The following CIB4 variants were observed in gnomAD, a reference collection of about 807,000 sequenced individuals.
CIB4 encodes calcium and integrin binding family member 4.
In CIB4, 25 loss-of-function variants were observed where a neutral mutation model predicts 25.8. The ratio of observed to expected loss-of-function variants is 0.97; its 90% CI spans 0.71 to 1.35. CIB4 has a LOEUF of 1.35. CIB4 is among the 40% of genes most tolerant of loss of function. CIB4 has a pLI of 0.00. For missense variants in CIB4, 235 were observed against 228.2 expected (o/e 1.03, Z -0.19); for synonymous variants, 75 against 81.4 (o/e 0.92, Z 0.42).
intron 3 of CIB4, among the ~76,000 whole-genome samples, chr2:26,605,169 T>C (rs1668863858): frequency 6.6e-6 from 1 of 152,182 alleles, no homozygotes; most frequent in Non-Finnish European, 1.5e-5. Flanking sequence ...TAATTAGAAA[T>C]TATTTTGAAC....
chr2:26,598,798 G>A (rs899982343), intron 3 of CIB4, among the ~76,000 whole-genome samples: 6 of 152,158 alleles, frequency 3.9e-5, no homozygotes, highest in African/African-American at 9.7e-5. Context: ...CAGTCAAAGG[G>A]GCACCGATAG....
intron 2 of CIB4, among the ~76,000 whole-genome samples, chr2:26,635,104 T>A (rs577740274): frequency 1.3e-5 from 2 of 152,338 alleles, no homozygotes; most frequent in African/African-American, 4.8e-5. Flanking sequence ...GGACAACCAA[T>A]TCAAACAGAG....
At chr2:26,632,145 T>A (rs1272358104) in intron 2 of CIB4, among the ~76,000 whole-genome samples, 1 of 152,218 alleles carries the variant, frequency 6.6e-6, no homozygotes, top group Non-Finnish European at 1.5e-5. Context: ...CCCAGGTTCA[T>A]ATCCTGACTC....
chr2:26,615,429 C>T (rs900732606), intron 3 of CIB4, among the ~76,000 whole-genome samples: 2 of 152,340 alleles, frequency 1.3e-5, no homozygotes, highest in East Asian at 1.9e-4. Context: ...GCCATCCCTA[C>T]AGGCTCCCTT....
intron 2 of CIB4, among the ~76,000 whole-genome samples, chr2:26,630,074 C>T (rs1042358249): frequency 6.6e-6 from 1 of 152,224 alleles, no homozygotes; most frequent in Non-Finnish European, 1.5e-5. Flanking sequence ...CGTGGACTGA[C>T]TGGTCTTCCT....
At chr2:26,623,864 C>T (rs1387631660) in intron 3 of CIB4, among the ~76,000 whole-genome samples, 1 of 152,208 alleles carries the variant, frequency 6.6e-6, no homozygotes, top group Non-Finnish European at 1.5e-5. Flanking sequence ...GGCTCGGAAA[C>T]TAGAAACCCA....
intron 3 of CIB4, among the ~76,000 whole-genome samples, chr2:26,605,144 C>T (rs1668863539): frequency 6.6e-6 from 1 of 151,710 alleles, no homozygotes; most frequent in Non-Finnish European, 1.5e-5. Context: ...CCCTCAAAGT[C>T]AAAGAAATCA....
At chr2:26,591,848 G>C (rs1668592365) in intron 4 of CIB4, among the ~76,000 whole-genome samples, 1 of 152,230 alleles carries the variant, frequency 6.6e-6, no homozygotes, top group Non-Finnish European at 1.5e-5. Flanking sequence ...CTGAGAGCCG[G>C]CAAGAAGTCA....
intron 3 of CIB4, among the ~76,000 whole-genome samples, chr2:26,618,492 A>G (rs561995987): frequency 1.8e-4 from 27 of 152,236 alleles, no homozygotes; most frequent in African/African-American, 5.3e-4. Flanking sequence ...ACTATGCAAC[A>G]TAGTGAGATC....
At chr2:26,618,814 G>A (rs1234709484) in intron 3 of CIB4, among the ~76,000 whole-genome samples, 1 of 152,182 alleles carries the variant, frequency 6.6e-6, no homozygotes, top group East Asian at 1.9e-4. Context: ...GGCCGCCCAG[G>A]AAGCCACTCA....
intron 2 of CIB4, among the ~76,000 whole-genome samples, chr2:26,636,907 A>C (rs1669542785): frequency 6.6e-6 from 1 of 152,040 alleles, no homozygotes; most frequent in African/African-American, 2.4e-5. Context: ...TCTTCTCATC[A>C]TCTCTGCCAG....
At chr2:26,633,101 G>A (rs745737722) in intron 2 of CIB4, among the ~76,000 whole-genome samples, 1 of 152,170 alleles carries the variant, frequency 6.6e-6, no homozygotes, top group Non-Finnish European at 1.5e-5. Context: ...GAAACTGAAA[G>A]TCAAGTAGGT....
intron 4 of CIB4, among the ~76,000 whole-genome samples, chr2:26,590,681 C>T (rs1452216727): frequency 6.6e-6 from 1 of 152,198 alleles, no homozygotes; most frequent in Non-Finnish European, 1.5e-5. Flanking sequence ...TTGCTGACAG[C>T]TCTGTAAAGA....
intron 2 of CIB4, among the ~76,000 whole-genome samples, chr2:26,639,195 T>A (rs1669589131): frequency 7.2e-6 from 1 of 139,404 alleles, no homozygotes; most frequent in South Asian, 2.2e-4. Context: ...TTGAATTTTC[T>A]TTTTTTTTTT....
chr2:26,613,836 G>A lies in CIB4; in HGVS notation c.186+15574C>T, dbSNP rs184335798. ...GTCCTCAACAGGTCTCTCTGTAGTC[G>A]GGCCTGTGCGGGGCCTGTCCTGCCT... On this transcript the variant is annotated intron_variant, in intron 3 of 6. Transcript: ENST00000288861. Among the ~76,000 whole-genome samples, 926 of 152,338 alleles carry A rather than the reference G, an allele frequency of 6.1e-3. 4 individuals are homozygous for A. The highest frequency in any genetic ancestry group is 0.021 in the African/African-American group (891 of 41,590).
At chr2:26,612,165 A>G (rs1252335758) in intron 3 of CIB4, among the ~76,000 whole-genome samples, 1 of 152,214 alleles carries the variant, frequency 6.6e-6, no homozygotes. Context: ...CTGCAGGGCA[A>G]GGGCTGAACC....
intron 2 of CIB4, among the ~76,000 whole-genome samples, chr2:26,637,734 G>C (rs1669560579): frequency 6.6e-6 from 1 of 152,054 alleles, no homozygotes; most frequent in Non-Finnish European, 1.5e-5. Flanking sequence ...GCCTTCGCTG[G>C]TCCTCTTCCA....
intron 4 of CIB4, among the ~76,000 whole-genome samples, chr2:26,588,404 C>G (rs1452971045): frequency 6.6e-6 from 1 of 152,214 alleles, no homozygotes; most frequent in Non-Finnish European, 1.5e-5. Context: ...GGCTGACCAG[C>G]CCAGGCGGCC....
chr2:26,636,630 T>A (rs1237317429), intron 2 of CIB4, among the ~76,000 whole-genome samples: 1 of 152,216 alleles, frequency 6.6e-6, no homozygotes, highest in Non-Finnish European at 1.5e-5. Context: ...TTTTCTTGGT[T>A]TACTCGCTAG....
Sources: gnomAD v4.1 joint callset for allele counts (sites outside exome capture counted in the v4.1 genomes callset) on GRCh38, gnomAD v4.1.1 for gene constraint, MANE v1.5 for transcripts, NCBI Gene and HGNC (gene_info 2026-07-23, HGNC 2026-07-21) for gene names.